SLC24A3: variants seen among roughly 807,000 people sequenced by gnomAD.
SLC24A3 encodes sodium/potassium/calcium exchanger 3.
SLC24A3 carries 28 observed loss-of-function variants against 75.8 expected under a neutral mutation model. The observed-to-expected ratio is 0.37, with a 90% confidence interval of 0.27 to 0.51. The LOEUF (loss-of-function observed/expected upper bound fraction) is 0.51. Ranked by LOEUF, SLC24A3 falls within the 20% of genes least tolerant of loss-of-function variation. The pLI, the probability that SLC24A3 is intolerant of heterozygous loss-of-function variation, is 0.94. For synonymous variants in SLC24A3, 372 were observed against 334.1 expected (o/e 1.11, Z -1.24); for missense variants, 663 against 847.8 (o/e 0.78, Z 2.71).
At chr20:19,279,492 T>C (rs1983593062) in intron 1 of SLC24A3, among the ~76,000 whole-genome samples, 2 of 152,230 alleles carry the variant, frequency 1.3e-5, no homozygotes, top group African/African-American at 4.8e-5. Context: ...GTCAAGGCTG[T>C]TGGCTACACC....
chr20:19,590,641 C>T (rs1244084731), intron 6 of SLC24A3, among the ~76,000 whole-genome samples: 1 of 152,188 alleles, frequency 6.6e-6, no homozygotes, highest in African/African-American at 2.4e-5. Context: ...CTGTGAGTAG[C>T]AGAGAGCAGA....
intron 6 of SLC24A3, among the ~76,000 whole-genome samples, chr20:19,587,115 G>C (rs906517171): frequency 1.3e-5 from 2 of 152,184 alleles, no homozygotes; most frequent in Admixed American, 1.3e-4. Context: ...AATTGGCATT[G>C]TCACCATCAG....
At chr20:19,667,633 A>G (rs2032415327) in intron 8 of SLC24A3, among the ~76,000 whole-genome samples, 2 of 152,226 alleles carry the variant, frequency 1.3e-5, no homozygotes, top group African/African-American at 4.8e-5. Flanking sequence ...AAGGCTACCC[A>G]GGATGGTTTG....
intron 13 of SLC24A3, chr20:19,694,916 G>C (rs2032787450): frequency 6.6e-6 from 1 of 152,220 alleles, no homozygotes; most frequent in African/African-American, 2.4e-5. Context: ...GGTTCCTACA[G>C]GGACTGAGCT....
chr20:19,696,201 T>G (rs1385243787), intron 13 of SLC24A3: 1 of 152,080 alleles, frequency 6.6e-6, no homozygotes, highest in Non-Finnish European at 1.5e-5. Context: ...AAATTTTTTG[T>G]GGAGACAAGG....
chr20:19,547,006 C>T (rs2030609513), intron 3 of SLC24A3, among the ~76,000 whole-genome samples: 1 of 152,246 alleles, frequency 6.6e-6, no homozygotes, highest in South Asian at 2.1e-4. Flanking sequence ...AGGTCCCGCT[C>T]TCTGAAGGTG....
intron 2 of SLC24A3, among the ~76,000 whole-genome samples, chr20:19,481,907 G>A (rs966280192): frequency 1.3e-5 from 2 of 152,012 alleles, no homozygotes; most frequent in African/African-American, 4.8e-5. Context: ...TTCTGGAAAA[G>A]CCATAGGCTT....
At chr20:19,579,146 C>T (rs1346855780) in intron 3 of SLC24A3, among the ~76,000 whole-genome samples, 2 of 152,198 alleles carry the variant, frequency 1.3e-5, no homozygotes, top group Non-Finnish European at 2.9e-5. Flanking sequence ...TCACCTTCCA[C>T]ATGGGGCATG....
At chr20:19,622,821 C>G (rs1198838519) in intron 6 of SLC24A3, among the ~76,000 whole-genome samples, 1 of 152,158 alleles carries the variant, frequency 6.6e-6, no homozygotes, top group African/African-American at 2.4e-5. Context: ...GCACCAGCAT[C>G]TGCTTGTGGT....
At chr20:19,311,376 T>C (rs1984454283) in intron 2 of SLC24A3, among the ~76,000 whole-genome samples, 1 of 152,130 alleles carries the variant, frequency 6.6e-6, no homozygotes, top group South Asian at 2.1e-4. Context: ...AACAGCCCCA[T>C]GCTCCTTCAG....
At chr20:19,408,610 G>A (rs939368899) in intron 2 of SLC24A3, among the ~76,000 whole-genome samples, 10 of 151,974 alleles carry the variant, frequency 6.6e-5, no homozygotes, top group African/African-American at 1.9e-4. Flanking sequence ...AGCTGGTCTC[G>A]AACTTCTGGC....
chr20:19,638,014 AG>A (rs2032022001), intron 6 of SLC24A3, among the ~76,000 whole-genome samples: 1 of 152,058 alleles, frequency 6.6e-6, no homozygotes, highest in Non-Finnish European at 1.5e-5. Context: ...ACATAGGTAA[AG>A]TGTGCTGTGG....
At chr20:19,474,600 A>G (rs1987930360) in intron 2 of SLC24A3, among the ~76,000 whole-genome samples, 1 of 152,084 alleles carries the variant, frequency 6.6e-6, no homozygotes. Flanking sequence ...TTTTAGGAAC[A>G]TTTTTATTTT....
At chr20:19,718,785 A>G (rs4814887) in intron 16 of SLC24A3, among the ~76,000 whole-genome samples, 113,866 of 152,136 alleles carry the variant, frequency 0.75, 42,903 homozygotes, top group East Asian at 0.96. Flanking sequence ...TGACATCCAA[A>G]GGAAGAGGTC....
intron 3 of SLC24A3, among the ~76,000 whole-genome samples, chr20:19,518,627 T>C (rs1054788778): frequency 6.6e-6 from 1 of 151,400 alleles, no homozygotes; most frequent in African/African-American, 2.4e-5. Flanking sequence ...TGTTGGAGAG[T>C]GAGAGAATAT....
At chr20:19,234,001 A>G (rs1982097493) in intron 1 of SLC24A3, among the ~76,000 whole-genome samples, 1 of 152,240 alleles carries the variant, frequency 6.6e-6, no homozygotes, top group Admixed American at 6.5e-5. Flanking sequence ...GCTAATTTAT[A>G]GCCAGAGTAA....
chr20:19,677,907 T>A (rs2122734055), intron 9 of SLC24A3, among the ~76,000 whole-genome samples: 1 of 151,692 alleles, frequency 6.6e-6, no homozygotes, highest in African/African-American at 2.4e-5. Flanking sequence ...TGGTGATGAC[T>A]CTTAACGAGC....
chr20:19,353,501 C>T (rs138137958), intron 2 of SLC24A3, among the ~76,000 whole-genome samples: 44 of 152,284 alleles, frequency 2.9e-4, no homozygotes, highest in African/African-American at 1.0e-3. Context: ...TCTGTTTGCT[C>T]ATCTTTTTTC....
intron 2 of SLC24A3, among the ~76,000 whole-genome samples, chr20:19,430,459 GGAC>G (rs1447912596): frequency 5.9e-5 from 9 of 152,174 alleles, no homozygotes; most frequent in African/African-American, 2.2e-4. Flanking sequence ...AGGAGGGAAA[GGAC>G]CAGGGAGGGA....
Sources: gnomAD v4.1 joint callset for allele counts (sites outside exome capture counted in the v4.1 genomes callset) on GRCh38, gnomAD v4.1.1 for gene constraint, MANE v1.5 for transcripts, NCBI Gene and HGNC (gene_info 2026-07-23, HGNC 2026-07-21) for gene names.